CBLC: variants seen among roughly 807,000 people sequenced by gnomAD.
CBLC encodes E3 ubiquitin-protein ligase CBL-C.
Under a neutral mutation model 58.6 loss-of-function variants are expected in CBLC, and 46 were observed. The ratio of observed to expected loss-of-function variants is 0.79; its 90% CI spans 0.62 to 1.00. CBLC has a LOEUF of 1.00. CBLC is among the 50% of genes least tolerant of loss of function. The pLI is 0.00. For missense variants in CBLC, 655 were observed against 625.8 expected, an observed-to-expected ratio of 1.05 and a Z score of -0.50; for synonymous variants, 271 against 264.2, an observed-to-expected ratio of 1.03 and a Z score of -0.25.
chr19:44,791,727 G>T (rs866241134), intron 6 of CBLC, among the ~76,000 whole-genome samples: 1 of 142,508 alleles, frequency 7.0e-6, no homozygotes, highest in Non-Finnish European at 1.5e-5. Flanking sequence ...GCAAGACTGC[G>T]TCTCCAAAAA....
At chr19:44,783,869 G>C (rs2122420739) in intron 4 of CBLC, among the ~76,000 whole-genome samples, 1 of 152,226 alleles carries the variant, frequency 6.6e-6, no homozygotes, top group African/African-American at 2.4e-5. Context: ...AGTCCCAGCT[G>C]TGTACCCTAC....
At chr19:44,795,455 T>C (rs1369251941) in intron 9 of CBLC, among the ~76,000 whole-genome samples, 1 of 151,616 alleles carries the variant, frequency 6.6e-6, no homozygotes, top group African/African-American at 2.4e-5. Flanking sequence ...AGTTGGTAGC[T>C]CCAGTGAGGC....
chr19:44,792,336 G>A (rs1180563456), intron 6 of CBLC, 47 bp from the exon 7 acceptor site: 1 of 1,607,182 alleles, frequency 6.2e-7, no homozygotes, highest in South Asian at 1.1e-5. Flanking sequence ...GTGTCCCCGT[G>A]GCTGACGCAT....
At position 44,800,577 on chromosome 19, in the gene CBLC, G is replaced by C. The variant is rs761472600; in HGVS notation, c.*34G>C. On this transcript the variant is annotated 3_prime_UTR_variant, in exon 11 of 11. Coordinates refer to ENST00000647358, the MANE Select transcript of CBLC (RefSeq NM_012116.4). ...GCACCCAGATGTGCTGCTCAAGGGA[G>C]CCCCAAGGGCTGGAAGGGGGTTGTG... 10 of 597,518 alleles carry C rather than the reference G, an allele frequency of 1.7e-5. No individual in the cohort carries two copies. The highest frequency in any genetic ancestry group is 3.0e-5 in the Non-Finnish European group (10 of 335,460). The allele number at this position is 597,518 out of a possible 1,614,324, so 37.0% of individuals were successfully genotyped here.
At chr19:44,794,023 A>G in intron 8 of CBLC, 181 bp from the exon 9 acceptor site, 1 of 644,484 alleles carries the variant, frequency 1.6e-6, no homozygotes, top group Non-Finnish European at 1.9e-6. Flanking sequence ...TGCTTCCCCA[A>G]GGGCTGGGGC....
At chr19:44,783,241 T>TG in intron 4 of CBLC, among the ~76,000 whole-genome samples, 1 of 151,898 alleles carries the variant, frequency 6.6e-6, no homozygotes, top group African/African-American at 2.4e-5. Flanking sequence ...GCGCAGTGGC[T>TG]CACGCCTGTA....
chr19:44,781,108 C>T, intron 2 of CBLC, 57 bp downstream of exon 2: 2 of 1,584,142 alleles, frequency 1.3e-6, no homozygotes, highest in South Asian at 2.3e-5. Context: ...GCCCAGGGAC[C>T]CAGGGGTCCA....
chr19:44,795,981 T>C (rs1968170190), intron 9 of CBLC, among the ~76,000 whole-genome samples: 1 of 152,102 alleles, frequency 6.6e-6, no homozygotes, highest in African/African-American at 2.4e-5. Flanking sequence ...TTTGGGAAGG[T>C]GAGGCAGGTG....
chr19:44,793,693 C>T (rs1968113416), intron 8 of CBLC, 73 bp downstream of exon 8: 1 of 1,432,518 alleles, frequency 7.0e-7, no homozygotes, highest in Non-Finnish European at 9.5e-7. Flanking sequence ...AGCCTGGACT[C>T]CTGGGTCTGA....
rs1568562956 is a variant in CBLC at position 44,792,442 on chromosome 19, TGA to T, written c.1069_1070del (p.Ser357GlnfsTer7). 2 of 1,613,084 alleles carry T rather than the reference TGA, an allele frequency of 1.2e-6. No homozygotes were observed. Among genetic ancestry groups the T allele is most frequent in the South Asian group, 2.2e-5 (2 of 91,050 alleles). On this transcript the variant is annotated frameshift_variant, in exon 7 of 11. Transcript: ENST00000647358. LOFTEE classifies it high-confidence loss of function. ...CATTTGAGCTCTGCAAGATCTGTGC[TGA>T]GAGCAACAAGGATGTGAAGATTGAG... is the stretch of plus-strand genomic sequence containing the variant. ...STFELCKICA[E>X]SNKDVKIEPC... is the part of the protein sequence containing the mutation.
At chr19:44,780,032 C>A (rs916273125) in intron 1 of CBLC, among the ~76,000 whole-genome samples, 2 of 152,104 alleles carry the variant, frequency 1.3e-5, no homozygotes, top group African/African-American at 4.8e-5. Flanking sequence ...GAAGGCAGAG[C>A]TGACTAGTCA....
intron 5 of CBLC, among the ~76,000 whole-genome samples, chr19:44,784,980 T>G (rs1377563371): frequency 8.9e-5 from 11 of 123,712 alleles, no homozygotes; most frequent in African/African-American, 3.7e-4. Context: ...TTTTTTTTTT[T>G]TTTTTTTTTG....
intron 6 of CBLC, among the ~76,000 whole-genome samples, chr19:44,791,732 CAAAAAAAA>C (rs774565610): frequency 5.2e-5 from 4 of 76,686 alleles, no homozygotes; most frequent in South Asian, 3.9e-4. Flanking sequence ...ACTGCGTCTC[CAAAAAAAA>C]AAAAAAAAAA....
Position 44,784,276 on chromosome 19 carries a change from G to A in CBLC, c.792G>A (p.Arg264=), listed in dbSNP as rs201735137. ...CCTCTCCCTCCAGTTACATCTTCCGGCCCAGCTGTACTCGCCTGGGGCAGT... is the reference window on the plus strand; with the variant it reads ...CCTCTCCCTCCAGTTACATCTTCCGACCCAGCTGTACTCGCCTGGGGCAGT... ...CRDKPGSYIF[R]PSCTRLGQWA... The change falls in exon 5 of 11, where the codon CGG becomes CGA. Residue 264 remains arginine (R), a synonymous_variant. Transcript: ENST00000647358. The A allele has an allele frequency of 5.4e-5, 84 of 1,569,592 alleles. No homozygotes were observed. In the East Asian group the frequency reaches 1.9e-3, roughly 35 times the overall value.
In CBLC at chr19:44,800,325, G is replaced by C. The variant is rs1968267517; in HGVS notation, c.1363-56G>C. ...ACAAAGGGGACAGGGAAGAGGGGCA[G>C]AGGGAAAGATTGGATGCCGGGAATC... On this transcript the variant is annotated intron_variant, in intron 9 of 10. Transcript: ENST00000647358. 2.5e-6 allele frequency: 3 copies of C among 1,219,814 alleles called. No individual in the cohort carries two copies. The Admixed American group carries it at 5.1e-5, about 21-fold the overall frequency. The allele number at this position is 1,219,814 out of a possible 1,614,324, so 75.6% of individuals were successfully genotyped here.
intron 9 of CBLC, among the ~76,000 whole-genome samples, chr19:44,796,322 A>C (rs1282430175): frequency 2.0e-5 from 3 of 152,196 alleles, no homozygotes; most frequent in Non-Finnish European, 4.4e-5. Flanking sequence ...AAAGAGGAGA[A>C]GTCAGCGTTG....
At position 44,784,474 on chromosome 19, in the gene CBLC, C is replaced by G; in HGVS notation, c.917+73C>G. ...GAAAGATCTTGCATGTTGTGCACTG[C>G]CGGTGGCCACCACGTTTGAGGGTGC... On this transcript the variant is annotated intron_variant, in intron 5 of 10. Coordinates refer to ENST00000647358, the MANE Select transcript of CBLC (RefSeq NM_012116.4). The G allele has an allele frequency of 7.8e-6, 11 of 1,411,436 alleles. No individual in the cohort carries two copies. In the South Asian group the frequency reaches 1.4e-4, roughly 18 times the overall value. The allele number at this position is 1,411,436 out of a possible 1,614,324, so 87.4% of individuals were successfully genotyped here. A position where few individuals can be genotyped will look rare whatever the true frequency, so the allele number is the denominator to read the frequency against.
At chr19:44,783,775 C>G (rs1967811490) in intron 4 of CBLC, among the ~76,000 whole-genome samples, 1 of 152,190 alleles carries the variant, frequency 6.6e-6, no homozygotes, top group Non-Finnish European at 1.5e-5. Flanking sequence ...GGAATCAGTT[C>G]CTGTTCATCC....
chr19:44,785,765 A>G (rs1236974939), intron 5 of CBLC, among the ~76,000 whole-genome samples: 7 of 151,880 alleles, frequency 4.6e-5, no homozygotes, highest in Non-Finnish European at 7.4e-5. Context: ...GTGAAACCCC[A>G]TCTCTACTAA....
Sources: gnomAD v4.1 joint callset for allele counts (sites outside exome capture counted in the v4.1 genomes callset) on GRCh38, gnomAD v4.1.1 for gene constraint, MANE v1.5 for transcripts, NCBI Gene and HGNC (gene_info 2026-07-23, HGNC 2026-07-21) for gene names.